Variants in SCUBE2 observed in about 807,000 individuals in gnomAD.
SCUBE2 encodes signal peptide, CUB and EGF-like domain-containing protein 2.
In SCUBE2, 114 loss-of-function variants were observed where a neutral mutation model predicts 125.9. The observed-to-expected ratio is 0.91, with a 90% CI of 0.78 to 1.06. SCUBE2 has a LOEUF of 1.06. SCUBE2 is among the 50% of genes least tolerant of loss of function. SCUBE2 has a pLI of 0.00. For synonymous variants in SCUBE2, 459 were observed against 492.9 expected (o/e 0.93, Z 0.91); for missense variants, 1,255 against 1,301.8 (o/e 0.96, Z 0.55).
At chr11:9,077,082 T>C (rs767465334) in intron 3 of SCUBE2, among the ~76,000 whole-genome samples, 2 of 152,222 alleles carry the variant, frequency 1.3e-5, no homozygotes, top group Admixed American at 6.5e-5. Context: ...AGCTAGCTGA[T>C]GCTCTGTGGT....
chr11:9,079,213 A>C (rs1861436783), intron 3 of SCUBE2, among the ~76,000 whole-genome samples, 171 bp downstream of exon 3: 1 of 152,248 alleles, frequency 6.6e-6, no homozygotes, highest in African/African-American at 2.4e-5. Context: ...ATGAATGATC[A>C]CATAAAACTG....
At chr11:9,076,956 C>T (rs1009984984) in intron 3 of SCUBE2, among the ~76,000 whole-genome samples, 6 of 152,356 alleles carry the variant, frequency 3.9e-5, no homozygotes, top group Middle Eastern at 3.4e-3. Flanking sequence ...TCTCCCTGAA[C>T]ACCAACTCCT....
At chr11:9,083,598 A>G (rs957933404) in intron 2 of SCUBE2, among the ~76,000 whole-genome samples, 11 of 150,260 alleles carry the variant, frequency 7.3e-5, no homozygotes, top group Non-Finnish European at 8.8e-5. Flanking sequence ...TCTGTCACCC[A>G]GGCTGGAGTG....
intron 9 of SCUBE2, 108 bp downstream of exon 9, chr11:9,059,195 G>T: frequency 7.7e-7 from 1 of 1,291,734 alleles, no homozygotes; most frequent in Non-Finnish European, 1.1e-6. Context: ...TTGGATTAGT[G>T]GCCCTGTCAA....
intron 16 of SCUBE2, 49 bp downstream of exon 16, chr11:9,047,307 T>C (rs747710378): frequency 6.3e-6 from 10 of 1,597,766 alleles, no homozygotes; most frequent in African/African-American, 5.4e-5. Flanking sequence ...CCTGAGTGTT[T>C]ATGGAGCCCA....
intron 4 of SCUBE2, among the ~76,000 whole-genome samples, chr11:9,073,931 G>A (rs1159969596): frequency 1.3e-5 from 2 of 152,208 alleles, no homozygotes; most frequent in African/African-American, 4.8e-5. Context: ...AATGATAAAT[G>A]GTGACGTAGG....
At chr11:9,043,273 T>TAC (rs894829707) in intron 16 of SCUBE2, among the ~76,000 whole-genome samples, 6 of 152,188 alleles carry the variant, frequency 3.9e-5, no homozygotes, top group South Asian at 4.2e-4. Flanking sequence ...CATACATACA[T>TAC]ATATACACAC....
intron 21 of SCUBE2, among the ~76,000 whole-genome samples, chr11:9,023,461 C>T (rs1419542482): frequency 6.6e-6 from 1 of 152,104 alleles, no homozygotes; most frequent in East Asian, 1.9e-4. Flanking sequence ...GTTGATGGGA[C>T]TTACCATTAA....
chr11:9,023,135 C>A (rs72856029), intron 21 of SCUBE2, among the ~76,000 whole-genome samples: 17,311 of 152,224 alleles, frequency 0.11, 1,090 homozygotes, highest in South Asian at 0.23. Flanking sequence ...TAAGCATATG[C>A]AAAGCACAAT....
At position 9,053,760 on chromosome 11, in the gene SCUBE2, C is replaced by A; in HGVS notation, c.1208-1G>T. 6.2e-7 allele frequency: 1 copy of A among 1,611,826 alleles called. No homozygotes were observed. Among genetic ancestry groups the A allele is most frequent in the Middle Eastern group, 1.7e-4 (1 of 6,010 alleles). ...TTGTTGATGCTGCACTCATTGGTGT[C>A]TGTGGAACAAAATACTCTCCTGTCA... is the stretch of plus-strand genomic sequence containing the variant. On this transcript the variant is annotated splice_acceptor_variant, in intron 10 of 22. Coordinates refer to ENST00000649792, the MANE Select transcript of SCUBE2 (RefSeq NM_001367977.2). LOFTEE classifies it high-confidence loss of function.
At chr11:9,022,940 C>T (rs1855433747) in intron 21 of SCUBE2, among the ~76,000 whole-genome samples, 2 of 152,022 alleles carry the variant, frequency 1.3e-5, no homozygotes, top group South Asian at 4.2e-4. Context: ...CTCTTCTCTC[C>T]TTTATTTGAA....
At chr11:9,023,001 T>G (rs76099342) in intron 21 of SCUBE2, among the ~76,000 whole-genome samples, 2,976 of 152,330 alleles carry the variant, frequency 0.02, 42 homozygotes, top group Non-Finnish European at 0.032. Context: ...GAAAACTGTG[T>G]GTGTTCTCTC....
chr11:9,091,289 G>A lies in SCUBE2; in HGVS notation c.133+107C>T, dbSNP rs975683141. ...CAGAGGCCCCCGCGGAGCTGCAGCC[G>A]CCAGCCCCGAGCCCCGCGCGCCCGG... is the stretch of plus-strand genomic sequence containing the variant. On this transcript the variant is annotated intron_variant, in intron 1 of 22. Transcript: ENST00000649792. The surrounding 1 kb of genome is among the most constrained non-coding windows in gnomAD (Gnocchi z 8.5). 849 of 793,746 alleles carry A rather than the reference G, an allele frequency of 1.1e-3. 6 individuals carry two copies. Among genetic ancestry groups the A allele is most frequent in the Admixed American group, 2.3e-3 (49 of 21,768 alleles). The allele number at this position is 793,746 out of a possible 1,614,324, so 49.2% of individuals were successfully genotyped here. A position where few individuals can be genotyped will look rare whatever the true frequency, so the allele number is the denominator to read the frequency against.
At chr11:9,048,511 A>G (rs1858027724) in intron 14 of SCUBE2, among the ~76,000 whole-genome samples, 1 of 152,234 alleles carries the variant, frequency 6.6e-6, no homozygotes. Flanking sequence ...TGAGCACAAG[A>G]GTGGAAAGGA....
At chr11:9,084,310 G>A (rs1175090697) in intron 2 of SCUBE2, among the ~76,000 whole-genome samples, 3 of 152,206 alleles carry the variant, frequency 2.0e-5, no homozygotes, top group Non-Finnish European at 1.5e-5. Context: ...TAATAAATAA[G>A]TGGGGACGAG....
intron 19 of SCUBE2, among the ~76,000 whole-genome samples, chr11:9,028,988 A>T (rs1421062339): frequency 6.6e-6 from 1 of 152,190 alleles, no homozygotes; most frequent in Non-Finnish European, 1.5e-5. Context: ...ATAGAGAGAA[A>T]ACCAGATGAT....
Position 9,021,145 on chromosome 11 carries a change from T to A in SCUBE2, c.2987A>T (p.Tyr996Phe). 1 of 1,613,292 alleles carries A rather than the reference T, an allele frequency of 6.2e-7. No individual in the cohort carries two copies. The highest frequency in any genetic ancestry group is 8.5e-7 in the Non-Finnish European group (1 of 1,179,578). ...LFDVLAHPQNYFKYTAQESRE... is the reference protein window; with the variant it reads ...LFDVLAHPQNFFKYTAQESRE... ...GGACTCCTGGGCTGTGTACTTGAAA[T>A]AGTTCTGGGGATGGGCCAGGACATC... Residue 996 changes from tyrosine to phenylalanine, a missense_variant, in exon 23 of 23, where the codon TAT becomes TTT. Physicochemically the swap from Tyr to Phe is conservative, Grantham distance 22 (BLOSUM62 3). Coordinates refer to ENST00000649792, the MANE Select transcript of SCUBE2 (RefSeq NM_001367977.2).
intron 17 of SCUBE2, among the ~76,000 whole-genome samples, chr11:9,032,499 C>T (rs1375997451): frequency 5.3e-5 from 8 of 152,044 alleles, no homozygotes; most frequent in Admixed American, 1.3e-4. Context: ...TTTGGGAGGC[C>T]GAGGCAGGTG....
chr11:9,087,740 G>C (rs2647528), intron 2 of SCUBE2, among the ~76,000 whole-genome samples: 2 of 152,054 alleles, frequency 1.3e-5, no homozygotes, highest in Admixed American at 1.3e-4. Flanking sequence ...CATATTTGCT[G>C]TCTATATTTT....
Sources: gnomAD v4.1 joint callset for allele counts (sites outside exome capture counted in the v4.1 genomes callset) on GRCh38, gnomAD v4.1.1 for gene constraint, Gnocchi (gnomAD v3.1) non-coding constraint, MANE v1.5 for transcripts, NCBI Gene and HGNC (gene_info 2026-07-23, HGNC 2026-07-21) for gene names.